Variants in B3GALT1 observed in about 807,000 individuals in gnomAD.
The protein encoded by B3GALT1 is beta-1,3-galactosyltransferase 1, also known as UDP-Gal:betaGlcNAc beta 1,3-galactosyltransferase, polypeptide 1.
Under a neutral mutation model 23.2 loss-of-function variants are expected in B3GALT1, and 10 were observed. That is an observed-to-expected ratio of 0.43 (90% confidence interval 0.27 to 0.73). The LOEUF (loss-of-function observed/expected upper bound fraction) is 0.73. Among genes scored for constraint, B3GALT1 ranks in the 30% least tolerant of loss-of-function variants. The pLI, the probability that B3GALT1 is intolerant of heterozygous loss-of-function variation, is 0.21. For synonymous variants in B3GALT1, 156 were observed against 141.5 expected (o/e 1.10, Z -0.73); for missense variants, 299 against 405.4 (o/e 0.74, Z 2.25).
chr2:167,705,673 C>T (rs1686956487), intron 3 of B3GALT1, among the ~76,000 whole-genome samples: 2 of 152,172 alleles, frequency 1.3e-5, no homozygotes, highest in Admixed American at 1.3e-4. Flanking sequence ...GACCCACATA[C>T]TCCTAAATCT....
At chr2:167,555,897 A>G (rs1428589950) in intron 2 of B3GALT1, among the ~76,000 whole-genome samples, 2 of 152,192 alleles carry the variant, frequency 1.3e-5, no homozygotes, top group East Asian at 1.9e-4. Flanking sequence ...TTATACCAAC[A>G]TGCACAATGA....
chr2:167,429,530 A>G (rs1461807678), intron 1 of B3GALT1, among the ~76,000 whole-genome samples: 1 of 152,176 alleles, frequency 6.6e-6, no homozygotes, highest in East Asian at 1.9e-4. Flanking sequence ...AATTTTACCT[A>G]TGGGACAGAA....
intron 1 of B3GALT1, among the ~76,000 whole-genome samples, chr2:167,321,728 C>T (rs959349401): frequency 2.6e-5 from 4 of 152,016 alleles, no homozygotes; most frequent in Admixed American, 1.3e-4. Flanking sequence ...GATTTACTTT[C>T]TGTCTTAATA....
chr2:167,806,744 G>A (rs575987567), intron 3 of B3GALT1, among the ~76,000 whole-genome samples: 86 of 152,052 alleles, frequency 5.7e-4, no homozygotes, highest in Admixed American at 1.1e-3. Context: ...TTTTTGCATC[G>A]ATGTACATCA....
intron 3 of B3GALT1, among the ~76,000 whole-genome samples, chr2:167,761,024 T>G (rs774374900): frequency 6.6e-6 from 1 of 152,204 alleles, no homozygotes; most frequent in Non-Finnish European, 1.5e-5. Flanking sequence ...CTGTTTGACC[T>G]TAATTTCCCT....
At chr2:167,454,716 C>G (rs548517205) in intron 1 of B3GALT1, among the ~76,000 whole-genome samples, 2 of 152,258 alleles carry the variant, frequency 1.3e-5, no homozygotes, top group South Asian at 4.1e-4. Flanking sequence ...AAATTCCCAT[C>G]TGTTATCTCC....
intron 1 of B3GALT1, among the ~76,000 whole-genome samples, chr2:167,373,645 T>C (rs1697718607): frequency 6.6e-6 from 1 of 152,172 alleles, no homozygotes; most frequent in Non-Finnish European, 1.5e-5. Flanking sequence ...AATGAAGATA[T>C]TAGCATTTAG....
intron 3 of B3GALT1, among the ~76,000 whole-genome samples, chr2:167,810,159 C>T (rs1303177801): frequency 6.6e-6 from 1 of 150,964 alleles, no homozygotes; most frequent in East Asian, 1.9e-4. Flanking sequence ...TGGGAGTGAC[C>T]CGATTTTCCA....
At chr2:167,538,346 AGTAT>A (rs1486944509) in intron 2 of B3GALT1, among the ~76,000 whole-genome samples, 5 of 152,208 alleles carry the variant, frequency 3.3e-5, no homozygotes, top group Non-Finnish European at 5.9e-5. Flanking sequence ...ATGCTTTTAA[AGTAT>A]GTATCAGTAT....
intron 2 of B3GALT1, among the ~76,000 whole-genome samples, chr2:167,502,601 G>A (rs1699862727): frequency 6.6e-6 from 1 of 152,124 alleles, no homozygotes; most frequent in African/African-American, 2.4e-5. Context: ...GCAGGAGAAA[G>A]AGAGCAAAGG....
At chr2:167,713,901 G>T (rs1420232624) in intron 3 of B3GALT1, 28 of 1,581,078 alleles carry the variant, frequency 1.8e-5, no homozygotes, top group Middle Eastern at 1.7e-4. Context: ...GTTCCTGGAG[G>T]AGGTTGGGGG....
At chr2:167,800,870 C>T (rs1220543909) in intron 3 of B3GALT1, among the ~76,000 whole-genome samples, 1 of 152,124 alleles carries the variant, frequency 6.6e-6, no homozygotes, top group Non-Finnish European at 1.5e-5. Context: ...GTCCCAAGCT[C>T]ATTTAGCTTT....
chr2:167,588,885 CCTTT>C (rs1317745959), intron 2 of B3GALT1, among the ~76,000 whole-genome samples: 1 of 147,954 alleles, frequency 6.8e-6, no homozygotes, highest in African/African-American at 2.5e-5. Flanking sequence ...TTCCTTCCTT[CCTTT>C]CTTCCTTCTT....
chr2:167,561,085 A>G (rs917268513), intron 2 of B3GALT1, among the ~76,000 whole-genome samples: 3 of 152,180 alleles, frequency 2.0e-5, no homozygotes, highest in African/African-American at 7.2e-5. Flanking sequence ...ATGTAAAAGA[A>G]CAGAAATTAT....
intron 3 of B3GALT1, among the ~76,000 whole-genome samples, chr2:167,765,236 T>C (rs1027767027): frequency 5.3e-5 from 8 of 152,176 alleles, no homozygotes; most frequent in Admixed American, 1.3e-4. Context: ...ATTTGGCTGA[T>C]TGTGTGCACT....
chr2:167,574,778 A>T (rs1406389928), intron 2 of B3GALT1, among the ~76,000 whole-genome samples: 1 of 151,904 alleles, frequency 6.6e-6, no homozygotes, highest in South Asian at 2.1e-4. Context: ...ATGACACCAT[A>T]TAGAAGAACA....
At chr2:167,649,313 TATAAC>T (rs1241409742) in intron 3 of B3GALT1, among the ~76,000 whole-genome samples, 3 of 152,136 alleles carry the variant, frequency 2.0e-5, no homozygotes, top group African/African-American at 7.2e-5. Flanking sequence ...GCAAAATTCA[TATAAC>T]ATAAAATTAA....
intron 3 of B3GALT1, among the ~76,000 whole-genome samples, chr2:167,762,627 AAGAC>A (rs1687914765): frequency 1.3e-5 from 2 of 152,110 alleles, no homozygotes; most frequent in Non-Finnish European, 2.9e-5. Context: ...AAAATTGAAA[AAGAC>A]AGCTAATTCT....
intron 3 of B3GALT1, among the ~76,000 whole-genome samples, chr2:167,716,802 A>G (rs2105250315): frequency 6.6e-6 from 1 of 152,148 alleles, no homozygotes; most frequent in South Asian, 2.1e-4. Flanking sequence ...CCATTTTGTT[A>G]TTCATAGTGT....
Sources: allele counts gnomAD v4.1 joint callset (sites outside exome capture counted in the v4.1 genomes callset), GRCh38; gene constraint gnomAD v4.1.1; transcripts MANE v1.5; gene names NCBI Gene and HGNC (gene_info 2026-07-23, HGNC 2026-07-21).